RNF216: variants seen among roughly 807,000 people sequenced by gnomAD.
RNF216 encodes ring finger protein 216.
Under a neutral mutation model 110.8 loss-of-function variants are expected in RNF216, and 72 were observed. That is an observed-to-expected ratio of 0.65 (90% CI 0.54 to 0.79). The LOEUF (loss-of-function observed/expected upper bound fraction) is 0.79, where lower values mean the gene tolerates loss of function less well. Among genes scored for constraint, RNF216 ranks in the 30% least tolerant of loss-of-function variants. The pLI is 0.00. For missense variants in RNF216, 1,342 were observed against 1,141.2 expected, an observed-to-expected ratio of 1.18 and a Z score of -2.54; for synonymous variants, 495 against 407.5, an observed-to-expected ratio of 1.21 and a Z score of -2.59.
At position 5,738,271 on chromosome 7, in the gene RNF216, G is replaced by C. The variant is rs79181066; in HGVS notation, c.1121+1005C>G. Among the ~76,000 whole-genome samples the C allele has an allele frequency of 6.3e-3, 964 of 152,152 alleles. 11 individuals are homozygous for C. The highest frequency in any genetic ancestry group is 0.023 in the African/African-American group (935 of 41,482). ...AGACAAGGTCCCACTCTGGCTCCCA[G>C]GCTGGAGTGCAGTAGCGTAACACAG... is the stretch of plus-strand genomic sequence containing the variant. On this transcript the variant is annotated intron_variant, in intron 5 of 16. Coordinates refer to ENST00000389902, the MANE Select transcript of RNF216 (RefSeq NM_207111.4).
chr7:5,656,857 G>A, intron 13 of RNF216, among the ~76,000 whole-genome samples: 1 of 152,150 alleles, frequency 6.6e-6, no homozygotes, highest in East Asian at 1.9e-4. Context: ...CACATAAACA[G>A]CTTTCTCAAG....
chr7:5,738,615 G>A (rs975383642), intron 5 of RNF216, among the ~76,000 whole-genome samples: 1 of 149,518 alleles, frequency 6.7e-6, no homozygotes, highest in African/African-American at 2.5e-5. Flanking sequence ...GGCTGAGGCA[G>A]GAGAATGGCC....
intron 14 of RNF216, chr7:5,650,034 T>TA (rs1788291529): frequency 6.6e-6 from 1 of 152,192 alleles, no homozygotes; most frequent in Non-Finnish European, 1.5e-5. Context: ...TAGTATGTAT[T>TA]AATATGCTAC....
chr7:5,767,414 A>G (rs1178550045), intron 1 of RNF216, among the ~76,000 whole-genome samples: 1 of 152,178 alleles, frequency 6.6e-6, no homozygotes, highest in Non-Finnish European at 1.5e-5. Context: ...CTGAGACTTA[A>G]GGGACAAAAT....
At chr7:5,726,920 C>A (rs1372091310) in intron 7 of RNF216, among the ~76,000 whole-genome samples, 7 of 150,962 alleles carry the variant, frequency 4.6e-5, no homozygotes, top group Admixed American at 3.3e-4. Context: ...AGAAGGGGTA[C>A]CTGATTTGAA....
intron 1 of RNF216, among the ~76,000 whole-genome samples, chr7:5,769,956 G>T (rs940752238): frequency 1.1e-4 from 15 of 132,610 alleles, no homozygotes; most frequent in African/African-American, 4.3e-4. Flanking sequence ...GAACCCAGGA[G>T]GCCAAGTTGC....
chr7:5,701,348 T>C (rs775737202), intron 13 of RNF216, among the ~76,000 whole-genome samples: 6 of 152,196 alleles, frequency 3.9e-5, no homozygotes, highest in African/African-American at 7.2e-5. Flanking sequence ...CTGCCCACTT[T>C]AGGGGAACTC....
chr7:5,728,247 C>G (rs1261300884), intron 7 of RNF216, among the ~76,000 whole-genome samples: 1 of 152,126 alleles, frequency 6.6e-6, no homozygotes, highest in Non-Finnish European at 1.5e-5. Flanking sequence ...TAGGTTGCCT[C>G]CCGTTTTACC....
intron 13 of RNF216, among the ~76,000 whole-genome samples, chr7:5,705,957 CA>C (rs1562410713): frequency 1.3e-5 from 2 of 150,838 alleles, no homozygotes; most frequent in Non-Finnish European, 3.0e-5. Context: ...CAAAACAAAA[CA>C]AAACAAAACA....
chr7:5,679,374 G>C (rs915268701), intron 13 of RNF216, among the ~76,000 whole-genome samples: 1 of 152,254 alleles, frequency 6.6e-6, no homozygotes, highest in Non-Finnish European at 1.5e-5. Context: ...GTGCAGAACA[G>C]GGCAAGCTGT....
intron 14 of RNF216, among the ~76,000 whole-genome samples, chr7:5,642,958 A>C (rs1787831543): frequency 6.6e-6 from 1 of 151,992 alleles, no homozygotes; most frequent in Non-Finnish European, 1.5e-5. Flanking sequence ...CTGCTCAAGG[A>C]GAGAAGAGGC....
At chr7:5,773,574 A>C (rs1796613892) in intron 1 of RNF216, among the ~76,000 whole-genome samples, 1 of 150,824 alleles carries the variant, frequency 6.6e-6, no homozygotes, top group South Asian at 2.1e-4. Flanking sequence ...CACTATTTTC[A>C]AGCCAAATTT....
At chr7:5,712,060 C>T in intron 12 of RNF216, 1 of 554,434 alleles carries the variant, frequency 1.8e-6, no homozygotes. Flanking sequence ...GAATATAAAC[C>T]ACTCAATAAA....
intron 13 of RNF216, among the ~76,000 whole-genome samples, chr7:5,703,297 T>A (rs1386483807): frequency 6.6e-6 from 1 of 152,230 alleles, no homozygotes; most frequent in Non-Finnish European, 1.5e-5. Context: ...TTCATTCATC[T>A]CTAGATAAAT....
At chr7:5,692,696 C>T (rs1477757052) in intron 13 of RNF216, among the ~76,000 whole-genome samples, 1 of 152,234 alleles carries the variant, frequency 6.6e-6, no homozygotes, top group Non-Finnish European at 1.5e-5. Context: ...GTAAAATAAG[C>T]CTTCCAACAC....
rs1454897593 is a variant in RNF216, at chr7:5,696,185, G to A, written c.2061+15576C>T. Among the ~76,000 whole-genome samples, 3 of 152,192 alleles carry A rather than the reference G, an allele frequency of 2.0e-5. No individual in the cohort carries two copies. The highest frequency in any genetic ancestry group is 6.5e-5 in the Admixed American group (1 of 15,268). On this transcript the variant is annotated intron_variant, in intron 13 of 16. Transcript: ENST00000389902. This position sits in a 1 kb window ranked among gnomAD's most constrained non-coding sequence, Gnocchi z 5.4. ...GTGGTGACGAAGAGCAGTTGGTACC[G>A]CATGGCTTTAAATTGTTTGTATTTC...
chr7:5,639,763 ATTT>A (rs749853413), intron 15 of RNF216, among the ~76,000 whole-genome samples: 1 of 134,796 alleles, frequency 7.4e-6, no homozygotes, highest in Admixed American at 7.5e-5. Context: ...CCTAGCCTTA[ATTT>A]TTTTTTTTTT....
At chr7:5,675,646 A>T (rs1314258159) in intron 13 of RNF216, among the ~76,000 whole-genome samples, 1 of 151,992 alleles carries the variant, frequency 6.6e-6, no homozygotes, top group Non-Finnish European at 1.5e-5. Flanking sequence ...CTCAAAACAA[A>T]CAAACAAACA....
chr7:5,652,862 ATT>A (rs1363360230), intron 13 of RNF216, among the ~76,000 whole-genome samples: 4 of 152,032 alleles, frequency 2.6e-5, no homozygotes, highest in Non-Finnish European at 5.9e-5. Flanking sequence ...ACAAGGAAAA[ATT>A]TCTCTCCCTA....
Sources: gnomAD v4.1 joint callset for allele counts (sites outside exome capture counted in the v4.1 genomes callset) on GRCh38, gnomAD v4.1.1 for gene constraint, Gnocchi (gnomAD v3.1) non-coding constraint, MANE v1.5 for transcripts, NCBI Gene and HGNC (gene_info 2026-07-23, HGNC 2026-07-21) for gene names.